The following ZBTB41 variants were observed in gnomAD, a reference collection of about 807,000 sequenced individuals.
ZBTB41 encodes zinc finger and BTB domain-containing protein 41.
In ZBTB41, 42 loss-of-function variants were observed where a neutral mutation model predicts 87.6. The observed-to-expected ratio is 0.48, with a 90% CI of 0.37 to 0.62. The LOEUF (loss-of-function observed/expected upper bound fraction) is 0.62, where lower values mean the gene tolerates loss of function less well. ZBTB41 is among the 20% of genes least tolerant of loss of function. The pLI is 0.00. For synonymous variants in ZBTB41, 364 were observed against 364.0 expected, an observed-to-expected ratio of 1.00 and a Z score of 0.00; for missense variants, 799 against 1,078.9, an observed-to-expected ratio of 0.74 and a Z score of 3.63.
Position 197,157,362 on chromosome 1 carries a change from T to C in ZBTB41, c.*1997A>G, listed in dbSNP as rs1041864066. On this transcript the variant is annotated 3_prime_UTR_variant, in exon 11 of 11. Coordinates refer to ENST00000367405, the MANE Select transcript of ZBTB41 (RefSeq NM_194314.3). ...TATCTGCCTTTTTATAAGTCTAAAC[T>C]TTTCTACATTAGCTTATATGTAAGG... The C allele has an allele frequency of 2.6e-5, 4 of 151,724 alleles. No homozygotes were observed. The highest frequency in any genetic ancestry group is 4.8e-5 in the African/African-American group (2 of 41,408). 9.4% of individuals were successfully genotyped at this position (151,724 alleles called of 1,614,324 possible).
At chr1:197,168,723 C>T (rs1192907488) in intron 10 of ZBTB41, among the ~76,000 whole-genome samples, 2 of 151,774 alleles carry the variant, frequency 1.3e-5, no homozygotes, top group East Asian at 3.9e-4. Flanking sequence ...TTAAAGAGGA[C>T]ACAAAAGAAC....
intron 2 of ZBTB41, among the ~76,000 whole-genome samples, chr1:197,198,665 ATAAAACT>A (rs1223213657): frequency 2.0e-5 from 3 of 152,212 alleles, no homozygotes; most frequent in Non-Finnish European, 4.4e-5. Flanking sequence ...ATGTACTGAC[ATAAAACT>A]TAAAGTGATA....
intron 2 of ZBTB41, among the ~76,000 whole-genome samples, chr1:197,192,403 T>G (rs116181398): frequency 6.6e-6 from 1 of 152,228 alleles, no homozygotes; most frequent in South Asian, 2.1e-4. Flanking sequence ...ATCTTCCTCA[T>G]CTGAAAAACT....
intron 5 of ZBTB41, among the ~76,000 whole-genome samples, chr1:197,181,508 A>G (rs7513826): frequency 0.86 from 130,887 of 152,168 alleles, 56,798 homozygotes; most frequent in East Asian, 1. Flanking sequence ...CTATTTGGTG[A>G]TACAAAATTA....
Position 197,159,984 on chromosome 1 carries a change from T to C in ZBTB41, c.2105A>G (p.Asn702Ser), listed in dbSNP as rs1659160667. 6 of 1,613,092 alleles carry C rather than the reference T, an allele frequency of 3.7e-6. No individual in the cohort carries two copies. The highest frequency in any genetic ancestry group is 3.3e-5 in the South Asian group (3 of 91,002). The change falls in exon 11 of 11, where the codon AAT becomes AGT. Residue 702 changes from asparagine to serine, a missense_variant. Physicochemically the swap from Asn to Ser is conservative, Grantham distance 46. This residue lies in a region of ZBTB41 where 198 missense variants were observed against 358.4 expected (regional missense o/e 0.55). Coordinates refer to ENST00000367405, the MANE Select transcript of ZBTB41 (RefSeq NM_194314.3). The part of the protein sequence containing the change: ...GEKPYKCQIC[N>S]QSFRIKKTLT... Reference sequence around the variant, plus strand: ...TGTTTTCTTAATTCTAAAAGACTGATTGCAAATTTGACACTTGTATGGTTT... The same window carrying C: ...TGTTTTCTTAATTCTAAAAGACTGACTGCAAATTTGACACTTGTATGGTTT...
At chr1:197,167,836 A>C (rs1016951602) in intron 10 of ZBTB41, among the ~76,000 whole-genome samples, 3 of 152,206 alleles carry the variant, frequency 2.0e-5, no homozygotes, top group African/African-American at 7.2e-5. Flanking sequence ...GAATAAGAAA[A>C]TAATGTCTAC....
intron 5 of ZBTB41, among the ~76,000 whole-genome samples, chr1:197,188,043 G>C (rs1371690558): frequency 6.6e-6 from 1 of 152,144 alleles, no homozygotes; most frequent in East Asian, 1.9e-4. Context: ...TACCAACGTA[G>C]GTTCTTCGAT....
In ZBTB41 at chr1:197,156,751, T is replaced by C. The variant is rs1659077052; in HGVS notation, c.*2608A>G. The C allele has an allele frequency of 6.6e-6, 1 of 152,238 alleles. No homozygotes were observed. Among genetic ancestry groups the C allele is most frequent in the Non-Finnish European group, 1.5e-5 (1 of 67,770 alleles). 9.4% of individuals were successfully genotyped at this position (152,238 alleles called of 1,614,324 possible). ...TTTCATTTTGTTTTTGTTGTTGTTG[T>C]TTTCAATCATCCACTGAAACTATTA... On this transcript the variant is annotated 3_prime_UTR_variant, in exon 11 of 11. Transcript: ENST00000367405.
rs537220441 is a variant in ZBTB41, at chr1:197,191,456, CAAAAAAAAAAA to C, written c.1328+225_1328+235del. ...TGGGCGACACAGTGAAGCCCTACTT[CAAAAAAAAAAA>C]AAAAAAAAAAAGAGAAAGAAACTTA... On this transcript the variant is annotated intron_variant, in intron 3 of 10. Transcript: ENST00000367405. Among the ~76,000 whole-genome samples, 25 of 85,306 alleles carry C rather than the reference CAAAAAAAAAAA, an allele frequency of 2.9e-4. No individual in the cohort carries two copies. The East Asian group carries it at 5.4e-3, about 18-fold the overall frequency. The allele number at this position is 85,306 out of a possible 152,430, so 56.0% of individuals were successfully genotyped here.
chr1:197,174,195 G>A (rs1313996685), intron 9 of ZBTB41, among the ~76,000 whole-genome samples: 3 of 152,004 alleles, frequency 2.0e-5, no homozygotes, highest in East Asian at 1.9e-4. Flanking sequence ...AGGAAGGAGA[G>A]GATAAACAAT....
rs1341427077 is a variant in ZBTB41 at position 197,155,293 on chromosome 1, T to C, written c.*4066A>G. ...CTAACACTTAGTGCCAATTTGCCTA[T>C]ATAAACATAAAGCAACCTAAAAAAA... On this transcript the variant is annotated 3_prime_UTR_variant, in exon 11 of 11. Coordinates refer to ENST00000367405, the MANE Select transcript of ZBTB41 (RefSeq NM_194314.3). 1.3e-5 allele frequency: 2 copies of C among 150,962 alleles called. No individual in the cohort carries two copies. Among genetic ancestry groups the C allele is most frequent in the Admixed American group, 6.6e-5 (1 of 15,088 alleles). The allele number at this position is 150,962 out of a possible 1,614,324, so 9.4% of individuals were successfully genotyped here.
chr1:197,167,871 G>A (rs962255109), intron 10 of ZBTB41, among the ~76,000 whole-genome samples: 7 of 152,104 alleles, frequency 4.6e-5, no homozygotes, highest in African/African-American at 1.4e-4. Flanking sequence ...CTGGAGATGT[G>A]ACCAAAGCAA....
At chr1:197,174,122 C>T (rs1420323744) in intron 9 of ZBTB41, among the ~76,000 whole-genome samples, 5 of 152,060 alleles carry the variant, frequency 3.3e-5, no homozygotes, top group African/African-American at 1.2e-4. Flanking sequence ...CCTTGCATGG[C>T]TAAGACCCTA....
chr1:197,167,716 A>G (rs1659382896), intron 10 of ZBTB41, among the ~76,000 whole-genome samples: 1 of 152,108 alleles, frequency 6.6e-6, no homozygotes, highest in African/African-American at 2.4e-5. Flanking sequence ...CATGACAAAA[A>G]CTCTAAATAA....
At chr1:197,174,866 T>C in intron 9 of ZBTB41, 144 bp downstream of exon 9, 3 of 485,034 alleles carry the variant, frequency 6.2e-6, no homozygotes, top group Non-Finnish European at 7.1e-6. Context: ...CTGAATTCTT[T>C]TAGGTCTATA....
chr1:197,161,387 C>G (rs1659195640), intron 10 of ZBTB41, among the ~76,000 whole-genome samples: 1 of 152,024 alleles, frequency 6.6e-6, no homozygotes, highest in Non-Finnish European at 1.5e-5. Context: ...ATCATCCATT[C>G]TCCTAGTAAA....
chr1:197,199,259 G>A, intron 2 of ZBTB41, 95 bp downstream of exon 2: 1 of 1,245,722 alleles, frequency 8.0e-7, no homozygotes, highest in South Asian at 2.1e-5. Context: ...AGTCTTTTTA[G>A]AAGTTACTTT....
intron 10 of ZBTB41, among the ~76,000 whole-genome samples, chr1:197,160,497 CT>C (rs1237888247): frequency 6.6e-6 from 1 of 152,070 alleles, no homozygotes; most frequent in Non-Finnish European, 1.5e-5. Flanking sequence ...AACAGCAATT[CT>C]AATTAACATG....
At chr1:197,173,979 T>G (rs1238585953) in intron 9 of ZBTB41, among the ~76,000 whole-genome samples, 1 of 152,144 alleles carries the variant, frequency 6.6e-6, no homozygotes, top group African/African-American at 2.4e-5. Context: ...AAAGAATTAC[T>G]TGGTCCAAAA....
Sources: gnomAD v4.1 joint callset for allele counts (sites outside exome capture counted in the v4.1 genomes callset) on GRCh38, gnomAD v4.1.1 for gene constraint, gnomAD v4.1.1 regional missense constraint, MANE v1.5 for transcripts, NCBI Gene and HGNC (gene_info 2026-07-23, HGNC 2026-07-21) for gene names.